COG1: variants seen among roughly 807,000 people sequenced by gnomAD.
The protein encoded by COG1 is component of oligomeric golgi complex 1, also known as conserved oligomeric Golgi complex subunit 1.
In COG1, 61 loss-of-function variants were observed where a neutral mutation model predicts 102.2. The observed-to-expected ratio is 0.60, with a 90% CI of 0.49 to 0.74. The LOEUF (loss-of-function observed/expected upper bound fraction) is 0.74, where lower values mean the gene tolerates loss of function less well. Ranked by LOEUF, COG1 falls within the 30% of genes least tolerant of loss-of-function variation. The pLI is 0.00. For missense variants in COG1, 1,164 were observed against 1,232.1 expected (o/e 0.94, Z 0.83); for synonymous variants, 454 against 493.6 (o/e 0.92, Z 1.06).
intron 12 of COG1, 36 bp from the exon 13 acceptor site, chr17:73,207,145 G>A (rs2061380307): frequency 1.3e-6 from 2 of 1,540,166 alleles, no homozygotes; most frequent in Non-Finnish European, 1.8e-6. Flanking sequence ...AGAGCTGCCT[G>A]TTTGTGCTAC....
rs753904616 is a variant in COG1, at chr17:73,201,909, T to C, written c.2073+9T>C. On this transcript the variant is annotated intron_variant, in intron 7 of 13. Transcript: ENST00000299886. ...GCAGTGCAGTTGTGAAAGTGAGTGA[T>C]GTAATTTCTTATCCCTGTCTTGTCT... The C allele has an allele frequency of 6.2e-7, 1 of 1,613,158 alleles. No individual in the cohort carries two copies. Among genetic ancestry groups the C allele is most frequent in the East Asian group, 2.2e-5 (1 of 44,890 alleles).
In COG1 at chr17:73,197,337, C is replaced by T. The variant is rs774105621; in HGVS notation, c.854C>T (p.Ala285Val). Residue 285 changes from alanine (A) to valine (V), a missense_variant, in exon 4 of 14, where the codon GCC becomes GTC. Transcript: ENST00000299886. ...CCAGAAGGACTGCTGCCAGATCCAG[C>T]CCTGCCATGTGGCTTGCTCTTCTCT... ...TLPEGLLPDP[A>V]LPCGLLFSTL... The T allele has an allele frequency of 1.9e-6, 3 of 1,614,226 alleles. No individual in the cohort carries two copies. Among genetic ancestry groups the T allele is most frequent in the South Asian group, 2.2e-5 (2 of 91,080 alleles).
In COG1 at chr17:73,208,365, T is replaced by C. The variant is rs1299025085; in HGVS notation, c.2857T>C (p.Leu953=). ...TGGTGACCCGACAGTTCCTGGCTCCTTGTTCAGACAGCTTGTCAGTGAAGA... is the reference window on the plus strand; with the variant it reads ...TGGTGACCCGACAGTTCCTGGCTCCCTGTTCAGACAGCTTGTCAGTGAAGA... ...TAGDPTVPGS[L]FRQLVSEEDN... The change falls in exon 14 of 14, where the codon TTG becomes CTG. Residue 953 remains leucine (L), a synonymous_variant. Coordinates refer to ENST00000299886, the MANE Select transcript of COG1 (RefSeq NM_018714.3). The C allele has an allele frequency of 6.2e-7, 1 of 1,614,068 alleles. No homozygotes were observed. The highest frequency in any genetic ancestry group is 1.3e-5 in the African/African-American group (1 of 74,956).
intron 6 of COG1, 68 bp from the exon 7 acceptor site, chr17:73,201,041 T>C: frequency 7.2e-7 from 1 of 1,386,968 alleles, no homozygotes; most frequent in South Asian, 1.2e-5. Context: ...AAATTACCAT[T>C]TGGTACTTTT....
In COG1 at chr17:73,197,393, G is replaced by A; in HGVS notation, c.910G>A (p.Ala304Thr). Residue 304 changes from alanine (A) to threonine (T), a missense_variant, in exon 4 of 14, where the codon GCC (alanine) becomes ACC (threonine). Physicochemically the swap from Ala to Thr is moderately conservative, Grantham distance 58. Transcript: ENST00000299886. ...TLETITGQHP[A>T]GKGTGVLQEE... ...GGAGACCATCACAGGCCAGCATCCT[G>A]CCGGTGAGCTCTTAGCCAAGCTTTT... 1 of 1,614,082 alleles carries A rather than the reference G, an allele frequency of 6.2e-7. No individual in the cohort carries two copies. The highest frequency in any genetic ancestry group is 2.2e-5 in the East Asian group (1 of 44,882).
chr17:73,206,760 G>A lies in COG1; in HGVS notation c.2672G>A (p.Ser891Asn), dbSNP rs2061375667. Residue 891 changes from serine (S) to asparagine (N), a missense_variant, in exon 12 of 14, where the codon AGT becomes AAT. Physicochemically the swap from Ser to Asn is conservative, Grantham distance 46. Coordinates refer to ENST00000299886, the MANE Select transcript of COG1 (RefSeq NM_018714.3). Reference protein sequence around the residue: ...GTENQLAPRSSTFNSQEPHNI... With the variant: ...GTENQLAPRSNTFNSQEPHNI... ...GAGAATCAGCTCGCCCCCCGGAGCA[G>A]TACGTTCAACTCCCAAGAACCCCAT... is the stretch of plus-strand genomic sequence containing the variant. The A allele has an allele frequency of 4.3e-6, 7 of 1,613,170 alleles. No individual in the cohort carries two copies. Among genetic ancestry groups the A allele is most frequent in the Non-Finnish European group, 5.9e-6 (7 of 1,179,956 alleles).
chr17:73,208,473 C>A lies in COG1; in HGVS notation c.*22C>A, dbSNP rs543842764. 1.7e-5 allele frequency: 28 copies of A among 1,612,524 alleles called. No individual in the cohort carries two copies. In the East Asian group the frequency reaches 5.8e-4, roughly 33 times the overall value. ...GTAACATGGCAACACATCTGTCTCT[C>A]CCTAAATAAATACTACCACATTATT... On this transcript the variant is annotated 3_prime_UTR_variant, in exon 14 of 14. Coordinates refer to ENST00000299886, the MANE Select transcript of COG1 (RefSeq NM_018714.3).
intron 13 of COG1, chr17:73,207,904 T>C: frequency 8.4e-7 from 1 of 1,184,560 alleles, no homozygotes; most frequent in Non-Finnish European, 1.1e-6. Flanking sequence ...TTGTCAAGTA[T>C]CTGGCTTTAA....
At chr17:73,195,147 G>T (rs564903561) in intron 1 of COG1, among the ~76,000 whole-genome samples, 1 of 152,308 alleles carries the variant, frequency 6.6e-6, no homozygotes, top group East Asian at 1.9e-4. Context: ...TTTTAGAAAC[G>T]TATTGATTTT....
chr17:73,193,532 G>A lies in COG1; in HGVS notation c.315+148G>A, dbSNP rs573930315. 1.4e-4 allele frequency: 96 copies of A among 693,004 alleles called. 1 individual carries two copies. Among genetic ancestry groups the A allele is most frequent in the Non-Finnish European group, 1.8e-4 (82 of 459,930 alleles). 42.9% of individuals were successfully genotyped at this position (693,004 alleles called of 1,614,324 possible). Reference sequence around the variant, plus strand: ...GAGCCTATCCGCCCCTCACCCTTTGGGCCCCCCTCAGAGGACAGTGCCAGC... The same window carrying A: ...GAGCCTATCCGCCCCTCACCCTTTGAGCCCCCCTCAGAGGACAGTGCCAGC... On this transcript the variant is annotated intron_variant, in intron 1 of 13. Transcript: ENST00000299886.
chr17:73,203,738 G>A lies in COG1; in HGVS notation c.2327G>A (p.Cys776Tyr). Residue 776 changes from cysteine to tyrosine, a missense_variant, in exon 9 of 14, where the codon TGT (cysteine) becomes TAT (tyrosine). Transcript: ENST00000299886. ...KVTLQEMLKSCMVQVVAAYEK... is the reference protein window; with the variant it reads ...KVTLQEMLKSYMVQVVAAYEK... The stretch of plus-strand genomic sequence containing the variant: ...ACATTACAGGAGATGCTGAAAAGCT[G>A]TATGGTTCAAGTAGTAGCTGCCTAT... 1.2e-6 allele frequency: 2 copies of A among 1,614,232 alleles called. No homozygotes were observed. The highest frequency in any genetic ancestry group is 1.7e-6 in the Non-Finnish European group (2 of 1,180,038).
At chr17:73,206,074 T>A (rs1026140644) in intron 10 of COG1, 80 bp from the exon 11 acceptor site, 4 of 1,185,072 alleles carry the variant, frequency 3.4e-6, no homozygotes, top group Admixed American at 1.7e-5. Flanking sequence ...AACTCCAAGA[T>A]TTCTACAGCA....
At chr17:73,194,303 G>T (rs371145667) in intron 1 of COG1, among the ~76,000 whole-genome samples, 5 of 147,336 alleles carry the variant, frequency 3.4e-5, no homozygotes, top group African/African-American at 1.2e-4. Flanking sequence ...TTAGCCAGGC[G>T]TGGTGGCCGG....
intron 1 of COG1, among the ~76,000 whole-genome samples, chr17:73,194,073 T>C (rs1023424260): frequency 3.3e-5 from 5 of 152,128 alleles, no homozygotes; most frequent in African/African-American, 1.2e-4. Flanking sequence ...CCAAACGCTA[T>C]TGATTAGACA....
At position 73,200,682 on chromosome 17, in the gene COG1, A is replaced by G. The variant is rs537525479; in HGVS notation, c.1187A>G (p.Asn396Ser). The part of the protein sequence containing the change: ...MWELLTNEST[N>S]HSWDVLCRRL... ...GAGTTACTTACCAATGAGTCCACCA[A>G]TCACAGCTGGGATGTGCTATGTCGG... Residue 396 changes from asparagine to serine, a missense_variant, in exon 6 of 14, where the codon AAT becomes AGT. Asn to Ser is a conservative substitution (Grantham distance 46). Coordinates refer to ENST00000299886, the MANE Select transcript of COG1 (RefSeq NM_018714.3). The G allele has an allele frequency of 1.7e-5, 27 of 1,614,204 alleles. 1 individual carries two copies. Among genetic ancestry groups the G allele is most frequent in the East Asian group, 6.7e-5 (3 of 44,882 alleles).
rs1219707855 is a variant in COG1, at chr17:73,207,686, A to G, written c.2805+430A>G. 3.1e-6 allele frequency: 4 copies of G among 1,293,600 alleles called. No individual in the cohort carries two copies. In the African/African-American group the frequency reaches 6.1e-5, roughly 20 times the overall value. The allele number at this position is 1,293,600 out of a possible 1,614,324, so 80.1% of individuals were successfully genotyped here. On this transcript the variant is annotated intron_variant, in intron 13 of 13. Coordinates refer to ENST00000299886, the MANE Select transcript of COG1 (RefSeq NM_018714.3). ...AAAAGTTTGACATTTTCTTGTTAAT[A>G]CACGTTTCATTTCAGTACGATGCCA...
chr17:73,193,758 G>A (rs917657501), intron 1 of COG1, among the ~76,000 whole-genome samples: 2 of 151,972 alleles, frequency 1.3e-5, no homozygotes, highest in Admixed American at 6.5e-5. Flanking sequence ...TTTTCCTCAG[G>A]TTTCTCCCCT....
chr17:73,202,432 C>T (rs1028437229), intron 7 of COG1, among the ~76,000 whole-genome samples: 3 of 152,166 alleles, frequency 2.0e-5, no homozygotes, highest in Non-Finnish European at 4.4e-5. Context: ...AGACTTTCTG[C>T]CTGGATTTCC....
rs374552804 is a variant in COG1, at chr17:73,203,151, G to A, written c.2220+5G>A. ...AAGATCCGACTCCCTGCACAGGTGA[G>A]CAGGGACCATGGGCTGAAAAAGGGA... is the stretch of plus-strand genomic sequence containing the variant. On this transcript the variant is annotated splice_donor_5th_base_variant and intron_variant, in intron 8 of 13. Transcript: ENST00000299886. The A allele has an allele frequency of 2.5e-6, 4 of 1,614,000 alleles. No individual in the cohort carries two copies. The highest frequency in any genetic ancestry group is 2.7e-5 in the African/African-American group (2 of 74,932).
Sources: allele counts gnomAD v4.1 joint callset (sites outside exome capture counted in the v4.1 genomes callset), GRCh38; gene constraint gnomAD v4.1.1; transcripts MANE v1.5; gene names NCBI Gene and HGNC (gene_info 2026-07-23, HGNC 2026-07-21).